ZNF37A: variants seen among roughly 807,000 people sequenced by gnomAD.
ZNF37A encodes the protein zinc finger protein 37A.
Under a neutral mutation model 12.3 loss-of-function variants are expected in ZNF37A, and 10 were observed. That is an observed-to-expected ratio of 0.82 (90% confidence interval 0.50 to 1.38). The LOEUF is 1.38. Among genes scored for constraint, ZNF37A ranks in the 40% most tolerant of loss-of-function variants. The pLI, the probability that ZNF37A is intolerant of heterozygous loss-of-function variation, is 0.00. For synonymous variants in ZNF37A, 207 were observed against 223.0 expected, an observed-to-expected ratio of 0.93 and a Z score of 0.64; for missense variants, 580 against 651.2, an observed-to-expected ratio of 0.89 and a Z score of 1.19.
chr10:38,140,674 A>G (rs961918497), intron 7 of ZNF37A: 3 of 152,242 alleles, frequency 2.0e-5, no homozygotes, highest in African/African-American at 4.8e-5. Flanking sequence ...GCTAAGAGAT[A>G]CATGCATCCC....
intron 7 of ZNF37A, chr10:38,139,732 A>C (rs1286923151): frequency 6.6e-6 from 1 of 152,094 alleles, no homozygotes; most frequent in African/African-American, 2.4e-5. Flanking sequence ...TTCGTTTACT[A>C]TTTTTCTTCC....
chr10:38,132,090 C>G (rs963133934), intron 7 of ZNF37A, among the ~76,000 whole-genome samples: 1 of 152,000 alleles, frequency 6.6e-6, no homozygotes, highest in Non-Finnish European at 1.5e-5. Flanking sequence ...CTCTTTCTTT[C>G]TATTTTGGAT....
At chr10:38,134,656 CT>C (rs199966329) in intron 7 of ZNF37A, among the ~76,000 whole-genome samples, 6,440 of 152,268 alleles carry the variant, frequency 0.042, 191 homozygotes, top group Non-Finnish European at 0.06. Flanking sequence ...CCTCTGGAAG[CT>C]TTGTCTAAGA....
chr10:38,111,723 A>G (rs557498062), intron 5 of ZNF37A, among the ~76,000 whole-genome samples: 5 of 152,254 alleles, frequency 3.3e-5, no homozygotes, highest in African/African-American at 1.2e-4. Flanking sequence ...AACCCAAAGG[A>G]TTCCCTTTAG....
intron 5 of ZNF37A, among the ~76,000 whole-genome samples, chr10:38,103,112 T>A (rs1395420813): frequency 6.6e-6 from 1 of 152,150 alleles, no homozygotes; most frequent in African/African-American, 2.4e-5. Flanking sequence ...AGACATTGTT[T>A]CTTCAGATAT....
At position 38,145,147 on chromosome 10, in the gene ZNF37A, A is replaced by G. The variant is rs1366529453; in HGVS notation, c.239-1585A>G. Among the ~76,000 whole-genome samples, 3 of 152,302 alleles carry G rather than the reference A, an allele frequency of 2.0e-5. No individual in the cohort carries two copies. In the East Asian group the frequency reaches 5.8e-4, roughly 29 times the overall value. ...TAAACATACAGGAGACAAATTCAACAGCCTTATTGATTTTCACACGCTCCC... is the reference window on the plus strand; with the variant it reads ...TAAACATACAGGAGACAAATTCAACGGCCTTATTGATTTTCACACGCTCCC... On this transcript the variant is annotated intron_variant, in intron 7 of 7. Coordinates refer to the ZNF37A transcript ENST00000638053.
intron 7 of ZNF37A, chr10:38,140,398 A>AATT (rs2070166338): frequency 6.6e-6 from 1 of 152,394 alleles, no homozygotes; most frequent in African/African-American, 2.4e-5. Flanking sequence ...GCTAGAGAAA[A>AATT]TGAATAAGTT....
chr10:38,127,291 G>A (rs2069941812), downstream of ZNF37A, among the ~76,000 whole-genome samples: 1 of 152,086 alleles, frequency 6.6e-6, no homozygotes, highest in Admixed American at 6.6e-5. Context: ...AAATCAGTAA[G>A]GTCTAGAGCG....
Position 38,094,376 on chromosome 10 carries a change from C to G in ZNF37A, c.-606C>G, listed in dbSNP as rs1216152783. The G allele has an allele frequency of 6.6e-6, 1 of 152,182 alleles. No homozygotes were observed. The highest frequency in any genetic ancestry group is 1.5e-5 in the Non-Finnish European group (1 of 68,064). The allele number at this position is 152,182 out of a possible 1,614,324, so 9.4% of individuals were successfully genotyped here. On this transcript the variant is annotated 5_prime_UTR_variant, in exon 1 of 8. Coordinates refer to ENST00000685332, the MANE Select transcript of ZNF37A (RefSeq NM_001324250.3). ...ACTTTTCGGCCCCCGTCGCGGGAGC[C>G]GCTTCGGGCCTTCTGGGCATGTCTG... is the stretch of plus-strand genomic sequence containing the variant.
Position 38,095,150 on chromosome 10 carries a change from G to A in ZNF37A, c.-272G>A, listed in dbSNP as rs2067046069. 1 of 152,558 alleles carries A rather than the reference G, an allele frequency of 6.6e-6. No homozygotes were observed. The highest frequency in any genetic ancestry group is 2.1e-4 in the South Asian group (1 of 4,838). 9.5% of individuals were successfully genotyped at this position (152,558 alleles called of 1,614,324 possible). A position where few individuals can be genotyped will look rare whatever the true frequency, so the allele number is the denominator to read the frequency against. ...GCTCAAGTGACAGGAAGATGTAGGA[G>A]CTTTCTGTCTTGAATGAGGATTCGA... is the stretch of plus-strand genomic sequence containing the variant. On this transcript the variant is annotated 5_prime_UTR_variant, in exon 2 of 8. Transcript: ENST00000685332.
intron 5 of ZNF37A, among the ~76,000 whole-genome samples, chr10:38,111,831 A>T (rs1159524324): frequency 6.6e-6 from 1 of 152,002 alleles, no homozygotes; most frequent in Non-Finnish European, 1.5e-5. Flanking sequence ...CCAGGCGTAG[A>T]ATTCTCAGCT....
intron 7 of ZNF37A, among the ~76,000 whole-genome samples, chr10:38,116,446 T>C (rs1483024470): frequency 1.3e-5 from 2 of 152,164 alleles, no homozygotes; most frequent in African/African-American, 4.8e-5. Flanking sequence ...AAAACACTGT[T>C]AGACTGCAAA....
intron 7 of ZNF37A, chr10:38,140,069 T>G (rs1398327881): frequency 6.6e-6 from 1 of 152,230 alleles, no homozygotes; most frequent in Non-Finnish European, 1.5e-5. Context: ...GTACCCTTGA[T>G]AAAAGAACTT....
chr10:38,104,274 C>A (rs2067843141), intron 5 of ZNF37A, among the ~76,000 whole-genome samples: 3 of 152,138 alleles, frequency 2.0e-5, no homozygotes, highest in African/African-American at 7.2e-5. Context: ...CAAAGACAAG[C>A]CTGTGAGCCA....
intron 7 of ZNF37A, chr10:38,141,030 T>A (rs1397903804): frequency 6.6e-6 from 1 of 152,204 alleles, no homozygotes. Context: ...ATAGTGATAG[T>A]GGCTGTTGGC....
At position 38,111,898 on chromosome 10, in the gene ZNF37A, G is replaced by A. The variant is rs191849419; in HGVS notation, c.16-2857G>A. On this transcript the variant is annotated intron_variant, in intron 5 of 7. Coordinates refer to ENST00000685332, the MANE Select transcript of ZNF37A (RefSeq NM_001324250.3). ...CAGTCCAGTGCCTTCTAACCTCCAA[G>A]GTTTCTGCTGATGATCTTTTTTTTT... Among the ~76,000 whole-genome samples, 531 of 149,818 alleles carry A rather than the reference G, an allele frequency of 3.5e-3. 1 individual carries two copies. Among genetic ancestry groups the A allele is most frequent in the Admixed American group, 7.2e-3 (107 of 14,770 alleles).
rs1336429360 is a variant in ZNF37A, at chr10:38,123,257, A to G, written c.*4420A>G. On this transcript the variant is annotated 3_prime_UTR_variant, in exon 8 of 8. Transcript: ENST00000685332. ...ATACACATTTCATACCTGTATTAAA[A>G]TATCTCATGTACCCCATAAACATAT... 1 of 152,204 alleles carries G rather than the reference A, an allele frequency of 6.6e-6. No homozygotes were observed. Among genetic ancestry groups the G allele is most frequent in the Non-Finnish European group, 1.5e-5 (1 of 68,042 alleles). 9.4% of individuals were successfully genotyped at this position (152,204 alleles called of 1,614,324 possible).
rs552024341 is a variant in ZNF37A, at chr10:38,122,573, C to T, written c.*3736C>T. ...TTGACAAAGGAATGAAGAACATACA[C>T]TGGGGAAAAGATAATGTCTTTAATA... is the stretch of plus-strand genomic sequence containing the variant. On this transcript the variant is annotated 3_prime_UTR_variant, in exon 8 of 8. Transcript: ENST00000685332. The T allele has an allele frequency of 1.3e-5, 2 of 152,284 alleles. No individual in the cohort carries two copies. The highest frequency in any genetic ancestry group is 4.8e-5 in the African/African-American group (2 of 41,554). The allele number at this position is 152,284 out of a possible 1,614,324, so 9.4% of individuals were successfully genotyped here. A position where few individuals can be genotyped will look rare whatever the true frequency, so the allele number is the denominator to read the frequency against.
intron 5 of ZNF37A, among the ~76,000 whole-genome samples, chr10:38,112,354 G>A (rs2068758931): frequency 6.6e-6 from 1 of 151,944 alleles, no homozygotes; most frequent in South Asian, 2.1e-4. Context: ...TATGTGCTTG[G>A]CTTTCTGAAT....
Sources: allele counts gnomAD v4.1 joint callset (sites outside exome capture counted in the v4.1 genomes callset), GRCh38; gene constraint gnomAD v4.1.1; transcripts MANE v1.5; gene names NCBI Gene and HGNC (gene_info 2026-07-23, HGNC 2026-07-21).